The following MTX2 variants were observed in gnomAD, a reference collection of about 807,000 sequenced individuals.
The protein encoded by MTX2 is metaxin 2, also known as metaxin-2.
A neutral mutation model predicts 42.3 loss-of-function variants in MTX2; 35 were observed. The ratio of observed to expected loss-of-function variants is 0.83; its 90% CI spans 0.63 to 1.10. MTX2 has a LOEUF of 1.10. Among genes scored for constraint, MTX2 ranks in the 50% least tolerant of loss-of-function variants. The pLI is 0.00. For missense variants in MTX2, 307 were observed against 304.1 expected (o/e 1.01, Z -0.07); for synonymous variants, 119 against 100.9 (o/e 1.18, Z -1.08).
chr2:176,276,926 A>G (rs774902184), intron 1 of MTX2, among the ~76,000 whole-genome samples: 2 of 152,194 alleles, frequency 1.3e-5, no homozygotes, highest in Non-Finnish European at 2.9e-5. Context: ...TTAGAAGCTC[A>G]GTAAACTATA....
intron 1 of MTX2, among the ~76,000 whole-genome samples, chr2:176,282,716 T>G (rs913291679): frequency 4.0e-5 from 6 of 151,872 alleles, no homozygotes; most frequent in Admixed American, 3.3e-4. Context: ...TTTTGTTTTT[T>G]TTTTTGAGAT....
At chr2:176,287,718 C>G (rs952986813) in intron 1 of MTX2, among the ~76,000 whole-genome samples, 2 of 152,088 alleles carry the variant, frequency 1.3e-5, no homozygotes, top group African/African-American at 4.8e-5. Flanking sequence ...GAAGAATCTT[C>G]TAGAATCTAG....
intron 1 of MTX2, among the ~76,000 whole-genome samples, chr2:176,288,183 A>G (rs774395098): frequency 7.2e-5 from 11 of 152,048 alleles, no homozygotes; most frequent in Non-Finnish European, 1.6e-4. Flanking sequence ...TTGCAGGTTG[A>G]ATTGCTTTCG....
chr2:176,308,889 C>G (rs895696458), intron 3 of MTX2, among the ~76,000 whole-genome samples: 1 of 152,116 alleles, frequency 6.6e-6, no homozygotes, highest in African/African-American at 2.4e-5. Context: ...GTCTGTATCT[C>G]TTTCAGATCC....
At chr2:176,314,232 TCA>T (rs1248173840) in intron 3 of MTX2, among the ~76,000 whole-genome samples, 2 of 152,064 alleles carry the variant, frequency 1.3e-5, no homozygotes, top group East Asian at 3.9e-4. Context: ...GGCCAGGAGT[TCA>T]CGACCAGCCT....
intron 5 of MTX2, among the ~76,000 whole-genome samples, chr2:176,327,326 G>T (rs2105443318): frequency 6.6e-6 from 1 of 151,068 alleles, no homozygotes; most frequent in East Asian, 1.9e-4. Flanking sequence ...CATTTATTCA[G>T]TTTAGATTTT....
At chr2:176,294,073 CAG>C (rs1036252029) in intron 1 of MTX2, among the ~76,000 whole-genome samples, 3 of 152,214 alleles carry the variant, frequency 2.0e-5, no homozygotes, top group South Asian at 2.1e-4. Flanking sequence ...TGAGTTGAAA[CAG>C]AGTTTATGTC....
At chr2:176,330,733 A>G in intron 9 of MTX2, 73 bp downstream of exon 9, 1 of 1,031,336 alleles carries the variant, frequency 9.7e-7, no homozygotes, top group Non-Finnish European at 1.5e-6. Flanking sequence ...TCATAAAAGA[A>G]TTGCTTTTTC....
chr2:176,273,566 G>A (rs1692874691), intron 1 of MTX2, among the ~76,000 whole-genome samples: 1 of 151,944 alleles, frequency 6.6e-6, no homozygotes, highest in Non-Finnish European at 1.5e-5. Flanking sequence ...AAGATATCTG[G>A]CATCTCTCTG....
At chr2:176,334,134 G>T (rs527338084) in intron 9 of MTX2, among the ~76,000 whole-genome samples, 7 of 151,838 alleles carry the variant, frequency 4.6e-5, no homozygotes, top group Admixed American at 3.9e-4. Context: ...CTGGAGTTAT[G>T]TGGATATATA....
chr2:176,303,857 T>C (rs1353471881), intron 3 of MTX2, among the ~76,000 whole-genome samples: 1 of 152,022 alleles, frequency 6.6e-6, no homozygotes, highest in Non-Finnish European at 1.5e-5. Context: ...TAAATACGTA[T>C]TTAACTTAAC....
intron 3 of MTX2, among the ~76,000 whole-genome samples, 174 bp downstream of exon 3, chr2:176,298,069 T>A (rs1683934165): frequency 6.6e-6 from 1 of 152,022 alleles, no homozygotes; most frequent in South Asian, 2.1e-4. Context: ...ATAATTTTAT[T>A]ATGTAATATT....
intron 9 of MTX2, among the ~76,000 whole-genome samples, chr2:176,335,679 C>T (rs1476967909): frequency 4.0e-5 from 6 of 151,744 alleles, no homozygotes; most frequent in Admixed American, 3.9e-4. Flanking sequence ...AAGAGTAGCC[C>T]CTAAATTTTT....
chr2:176,306,378 A>C (rs780132276), intron 3 of MTX2, among the ~76,000 whole-genome samples: 7 of 152,120 alleles, frequency 4.6e-5, no homozygotes, highest in Admixed American at 1.3e-4. Context: ...ACATGTGTGC[A>C]TTTGTCTTTA....
chr2:176,332,654 T>C (rs1447907913), intron 9 of MTX2, among the ~76,000 whole-genome samples: 1 of 151,216 alleles, frequency 6.6e-6, no homozygotes, highest in Admixed American at 6.6e-5. Context: ...AGAATAATAA[T>C]TGGGAAAAGA....
chr2:176,329,911 G>A (rs1047155702), intron 8 of MTX2, among the ~76,000 whole-genome samples: 2 of 149,842 alleles, frequency 1.3e-5, no homozygotes, highest in African/African-American at 4.9e-5. Flanking sequence ...CTGTCTATCT[G>A]TCTATCTATC....
intron 3 of MTX2, among the ~76,000 whole-genome samples, chr2:176,309,720 C>CTTTTT (rs745705028): frequency 1.3e-4 from 13 of 98,552 alleles, no homozygotes; most frequent in Admixed American, 2.1e-4. Flanking sequence ...GCAACCTCTG[C>CTTTTT]TTTTTTTTTT....
intron 1 of MTX2, among the ~76,000 whole-genome samples, chr2:176,282,737 TC>T (rs1337030719): frequency 6.6e-6 from 1 of 151,202 alleles, no homozygotes; most frequent in African/African-American, 2.4e-5. Flanking sequence ...GGAGTCTTGC[TC>T]TGTTGCCCAG....
At chr2:176,293,404 A>T (rs1438060960) in intron 1 of MTX2, among the ~76,000 whole-genome samples, 6 of 152,082 alleles carry the variant, frequency 3.9e-5, no homozygotes, top group African/African-American at 1.4e-4. Context: ...TACAGTTTGG[A>T]TGTTTGTTCC....
Sources: gnomAD v4.1 joint callset for allele counts (sites outside exome capture counted in the v4.1 genomes callset) on GRCh38, gnomAD v4.1.1 for gene constraint, MANE v1.5 for transcripts, NCBI Gene and HGNC (gene_info 2026-07-23, HGNC 2026-07-21) for gene names.